Variants in ALB observed in about 807,000 individuals in gnomAD.
ALB encodes the protein serum albumin.
A neutral mutation model predicts 74.5 loss-of-function variants in ALB; 37 were observed. The ratio of observed to expected loss-of-function variants is 0.50; its 90% confidence interval spans 0.38 to 0.65. The LOEUF is 0.65. Ranked by LOEUF, ALB falls within the 30% of genes least tolerant of loss-of-function variation. The probability of loss-of-function intolerance (pLI) is 0.00; values close to 1 mark genes in which losing one functional copy is unlikely to be tolerated. For missense variants in ALB, 685 were observed against 718.7 expected (o/e 0.95, Z 0.54); for synonymous variants, 249 against 251.6 (o/e 0.99, Z 0.10).
intron 2 of ALB, among the ~76,000 whole-genome samples, chr4:73,405,408 A>G (rs1718694894): frequency 6.6e-6 from 1 of 152,116 alleles, no homozygotes; most frequent in Non-Finnish European, 1.5e-5. Flanking sequence ...CAAAAACTTA[A>G]ATTGTATTTA....
intron 5 of ALB, 56 bp from the exon 6 acceptor site, chr4:73,410,256 G>C (rs1443342045): frequency 1.5e-6 from 2 of 1,329,116 alleles, no homozygotes; most frequent in African/African-American, 2.9e-5. Context: ...GCTTATGGAG[G>C]GGTGTTTCAT....
chr4:73,404,397 C>A lies in ALB; in HGVS notation c.70C>A (p.Arg24=). The A allele has an allele frequency of 6.2e-7, 1 of 1,611,912 alleles. No homozygotes were observed. The highest frequency in any genetic ancestry group is 8.5e-7 in the Non-Finnish European group (1 of 1,178,226). ...SSAYSRGVFR[R]DAHKSEVAHR... is the part of the protein sequence containing the mutation. The stretch of plus-strand genomic sequence containing the variant: ...GGCTTATTCCAGGGGTGTGTTTCGT[C>A]GAGATGCACGTAAGAAATCCATTTT... Residue 24 remains arginine (R), a synonymous_variant, in exon 1 of 15, where the codon CGA becomes AGA. Coordinates refer to ENST00000295897, the MANE Select transcript of ALB (RefSeq NM_000477.7).
chr4:73,414,874 A>C (rs1339249671), intron 8 of ALB, among the ~76,000 whole-genome samples, 161 bp from the exon 9 acceptor site: 1 of 152,222 alleles, frequency 6.6e-6, no homozygotes, highest in Non-Finnish European at 1.5e-5. Flanking sequence ...GAGCCTTGGT[A>C]ACTTTAACTC....
At chr4:73,413,253 T>A in intron 7 of ALB, 167 bp from the exon 8 acceptor site, 1 of 677,308 alleles carries the variant, frequency 1.5e-6, no homozygotes, top group South Asian at 1.7e-5. Context: ...GTTTTTGTAG[T>A]CCTATCTACA....
rs1372324139 is a variant in ALB at position 73,408,538 on chromosome 4, G to A, written c.271-56G>A. 6 of 1,455,134 alleles carry A rather than the reference G, an allele frequency of 4.1e-6. No individual in the cohort carries two copies. The Admixed American group carries it at 1.0e-4, about 25-fold the overall frequency. 90.1% of individuals were successfully genotyped at this position (1,455,134 alleles called of 1,614,324 possible). A position where few individuals can be genotyped will look rare whatever the true frequency, so the allele number is the denominator to read the frequency against. ...TATTAAATCCTTTGTACTGTTCTTT[G>A]GCTATAAAGAAAAAAGGTACTGTCC... On this transcript the variant is annotated intron_variant, in intron 3 of 14. Transcript: ENST00000295897.
rs560364572 is a variant in ALB at position 73,421,098 on chromosome 4, A to G, written c.*30A>G. On this transcript the variant is annotated 3_prime_UTR_variant, in exon 15 of 15. Transcript: ENST00000295897. Reference sequence around the variant, plus strand: ...TTGTCCTTTTGTTTTTCAGCCTACCATGAGAATAAGAGAAAGAAAATGAAG... The same window carrying G: ...TTGTCCTTTTGTTTTTCAGCCTACCGTGAGAATAAGAGAAAGAAAATGAAG... The G allele has an allele frequency of 7.2e-5, 50 of 693,154 alleles. No homozygotes were observed. The Admixed American group carries it at 9.7e-4, about 13-fold the overall frequency. 42.9% of individuals were successfully genotyped at this position (693,154 alleles called of 1,614,324 possible).
rs370277478 is a variant in ALB at position 73,410,427 on chromosome 4, T to C, written c.713+18T>C. On this transcript the variant is annotated intron_variant, in intron 6 of 14. Transcript: ENST00000295897. The stretch of plus-strand genomic sequence containing the variant: ...AAAGCATGGTAAATACTTTTAAACA[T>C]AGTTGGCATCTTTATAACGATGTAA... 2.6e-6 allele frequency: 4 copies of C among 1,532,354 alleles called. No individual in the cohort carries two copies. In the African/African-American group the frequency reaches 4.1e-5, roughly 16 times the overall value. The allele number at this position is 1,532,354 out of a possible 1,614,324, so 94.9% of individuals were successfully genotyped here.
intron 3 of ALB, among the ~76,000 whole-genome samples, chr4:73,407,913 C>G (rs1718773348): frequency 1.3e-5 from 2 of 152,094 alleles, no homozygotes; most frequent in African/African-American, 4.8e-5. Context: ...ACAGCAGAGT[C>G]AGGACTTTAA....
intron 6 of ALB, 37 bp downstream of exon 6, chr4:73,410,446 G>A (rs746106868): frequency 5.0e-6 from 7 of 1,393,740 alleles, no homozygotes; most frequent in African/African-American, 2.8e-5. Flanking sequence ...TCTTTATAAC[G>A]ATGTAAATGA....
At position 73,404,442 on chromosome 4, in the gene ALB, T is replaced by C. The variant is rs992286421; in HGVS notation, c.79+36T>C. ...CATTTTTCTATTGTTCAACTTTTAT[T>C]CTATTTTCCCAGTAAAATAAAGTTT... is the stretch of plus-strand genomic sequence containing the variant. On this transcript the variant is annotated intron_variant, in intron 1 of 14. Transcript: ENST00000295897. 2.6e-6 allele frequency: 4 copies of C among 1,538,690 alleles called. No individual in the cohort carries two copies. The Admixed American group carries it at 6.7e-5, about 26-fold the overall frequency.
intron 6 of ALB, among the ~76,000 whole-genome samples, chr4:73,411,249 C>A (rs1453068081): frequency 7.5e-5 from 11 of 147,578 alleles, no homozygotes; most frequent in African/African-American, 2.5e-4. Context: ...TGAAAAAAAA[C>A]AGCCCCAACA....
intron 12 of ALB, 67 bp from the exon 13 acceptor site, chr4:73,419,440 C>T: frequency 6.6e-7 from 1 of 1,522,844 alleles, no homozygotes; most frequent in South Asian, 1.2e-5. Flanking sequence ...TCCTTACTCT[C>T]TCCATTTTTC....
intron 6 of ALB, among the ~76,000 whole-genome samples, chr4:73,411,379 A>G (rs1379316145): frequency 6.6e-6 from 1 of 152,222 alleles, no homozygotes; most frequent in African/African-American, 2.4e-5. Context: ...ACATCTTGTC[A>G]TAGAGTTTGA....
At position 73,404,415 on chromosome 4, in the gene ALB, T is replaced by C; in HGVS notation, c.79+9T>C. The C allele has an allele frequency of 6.2e-7, 1 of 1,602,954 alleles. No homozygotes were observed. On this transcript the variant is annotated intron_variant, in intron 1 of 14. Transcript: ENST00000295897. ...GTTTCGTCGAGATGCACGTAAGAAA[T>C]CCATTTTTCTATTGTTCAACTTTTA...
intron 2 of ALB, 122 bp downstream of exon 2, chr4:73,405,295 T>G: frequency 1.2e-6 from 1 of 826,810 alleles, no homozygotes; most frequent in East Asian, 2.6e-5. Flanking sequence ...CTCGTAGAGT[T>G]TTCTGCGTTG....
chr4:73,413,991 C>T (rs553936368), intron 8 of ALB, among the ~76,000 whole-genome samples: 2 of 152,266 alleles, frequency 1.3e-5, no homozygotes, highest in East Asian at 1.9e-4. Context: ...GCCTGTCTAT[C>T]TAACTAATCT....
Position 73,405,146 on chromosome 4 carries a change from A to G in ALB, c.110A>G (p.Asp37Gly), listed in dbSNP as rs777148885. The G allele has an allele frequency of 1.2e-6, 2 of 1,613,606 alleles. No homozygotes were observed. Among genetic ancestry groups the G allele is most frequent in the South Asian group, 2.2e-5 (2 of 91,062 alleles). Residue 37 changes from aspartate (D) to glycine (G), a missense_variant, in exon 2 of 15, where the codon GAT (aspartate) becomes GGT (glycine). Transcript: ENST00000295897. ...HKSEVAHRFKDLGEENFKALV... is the reference protein window; with the variant it reads ...HKSEVAHRFKGLGEENFKALV... ...AGTGAGGTTGCTCATCGGTTTAAAG[A>G]TTTGGGAGAAGAAAATTTCAAAGCC...
At chr4:73,417,018 G>A (rs1719029619) in intron 10 of ALB, among the ~76,000 whole-genome samples, 3 of 152,196 alleles carry the variant, frequency 2.0e-5, no homozygotes. Context: ...ACAAGACATA[G>A]TTTCTTTCCT....
At chr4:73,405,749 C>T (rs1397642791) in intron 2 of ALB, among the ~76,000 whole-genome samples, 1 of 151,972 alleles carries the variant, frequency 6.6e-6, no homozygotes, top group Non-Finnish European at 1.5e-5. Flanking sequence ...CGCCATCACG[C>T]CCGGCTAATC....
Sources: allele counts gnomAD v4.1 joint callset (sites outside exome capture counted in the v4.1 genomes callset), GRCh38; gene constraint gnomAD v4.1.1; transcripts MANE v1.5; gene names NCBI Gene and HGNC (gene_info 2026-07-23, HGNC 2026-07-21).